SNX29: variants seen among roughly 807,000 people sequenced by gnomAD.
SNX29 encodes sorting nexin 29.
In SNX29, 78 loss-of-function variants were observed where a neutral mutation model predicts 102.1. The ratio of observed to expected loss-of-function variants is 0.76; its 90% CI spans 0.64 to 0.92. SNX29 has a LOEUF of 0.92. SNX29 is among the 40% of genes least tolerant of loss of function. The pLI, the probability that SNX29 is intolerant of heterozygous loss-of-function variation, is 0.00. For synonymous variants in SNX29, 580 were observed against 414.5 expected (o/e 1.40, Z -4.85); for missense variants, 1,280 against 1,061.7 (o/e 1.21, Z -2.86).
intron 20 of SNX29, among the ~76,000 whole-genome samples, chr16:12,544,309 G>C (rs17240943): frequency 0.037 from 5,673 of 152,262 alleles, 146 homozygotes; most frequent in Non-Finnish European, 0.057. Context: ...ACAGGGGAAG[G>C]TGGACCCCAA....
intron 19 of SNX29, among the ~76,000 whole-genome samples, chr16:12,507,786 C>T (rs2089443146): frequency 6.6e-6 from 1 of 152,172 alleles, no homozygotes. Flanking sequence ...TTCCCTCCCT[C>T]CCCTTATCCA....
chr16:12,552,855 G>T (rs920574887), intron 20 of SNX29, among the ~76,000 whole-genome samples: 1 of 152,220 alleles, frequency 6.6e-6, no homozygotes, highest in African/African-American at 2.4e-5. Flanking sequence ...AGAGGGTGTG[G>T]CAGATGGCAG....
chr16:12,043,957 T>G (rs1190494247), intron 5 of SNX29, among the ~76,000 whole-genome samples: 4 of 152,210 alleles, frequency 2.6e-5, no homozygotes, highest in African/African-American at 7.2e-5. Flanking sequence ...TTTAATCATG[T>G]TGGCCAGGCT....
At chr16:12,533,958 C>T (rs956389325) in intron 20 of SNX29, among the ~76,000 whole-genome samples, 3 of 152,246 alleles carry the variant, frequency 2.0e-5, no homozygotes, top group African/African-American at 7.2e-5. Flanking sequence ...CCTTTGTTTG[C>T]TTAAAACATC....
chr16:12,297,573 C>T (rs1478762858), intron 15 of SNX29, among the ~76,000 whole-genome samples: 2 of 151,876 alleles, frequency 1.3e-5, no homozygotes, highest in African/African-American at 4.8e-5. Flanking sequence ...TCCTCAGCAC[C>T]CCCTGTTGTG....
intron 19 of SNX29, among the ~76,000 whole-genome samples, chr16:12,483,319 C>CTTTTT (rs71139599): frequency 1.0e-4 from 14 of 134,772 alleles, no homozygotes; most frequent in African/African-American, 3.0e-4. Flanking sequence ...ATTTACTTTT[C>CTTTTT]TTTTTTTTTT....
intron 15 of SNX29, among the ~76,000 whole-genome samples, chr16:12,282,802 C>T (rs1480785284): frequency 1.3e-5 from 2 of 152,166 alleles, no homozygotes; most frequent in African/African-American, 4.8e-5. Flanking sequence ...ATTACAGGTG[C>T]CCACCACAAT....
chr16:12,384,417 C>CA (rs2083279276), intron 16 of SNX29, among the ~76,000 whole-genome samples: 1 of 152,176 alleles, frequency 6.6e-6, no homozygotes, highest in Non-Finnish European at 1.5e-5. Flanking sequence ...ACCATTTGAA[C>CA]TGGGGTGACA....
intron 3 of SNX29, among the ~76,000 whole-genome samples, chr16:12,021,048 T>C (rs1271372305): frequency 3.9e-5 from 6 of 152,212 alleles, no homozygotes; most frequent in Non-Finnish European, 7.3e-5. Flanking sequence ...CCAGCTAACA[T>C]TGGAATTTTA....
At chr16:12,125,512 A>G (rs1041809101) in intron 11 of SNX29, among the ~76,000 whole-genome samples, 2 of 146,556 alleles carry the variant, frequency 1.4e-5, no homozygotes, top group African/African-American at 5.0e-5. Context: ...GATACAGTGG[A>G]TCGGGTCGGC....
intron 14 of SNX29, among the ~76,000 whole-genome samples, chr16:12,253,220 C>T (rs557353177): frequency 3.3e-5 from 5 of 152,264 alleles, no homozygotes; most frequent in African/African-American, 9.6e-5. Context: ...ACCATGCATT[C>T]GCCTTGATGT....
intron 20 of SNX29, among the ~76,000 whole-genome samples, chr16:12,554,971 G>GGGGGGA (rs1257852197): frequency 6.6e-6 from 1 of 150,806 alleles, no homozygotes; most frequent in African/African-American, 2.5e-5. Flanking sequence ...GTGGTGAGGG[G>GGGGGGA]GGTCAGTCAG....
chr16:12,132,867 G>A (rs1210632237), intron 13 of SNX29, among the ~76,000 whole-genome samples: 1 of 152,264 alleles, frequency 6.6e-6, no homozygotes, highest in Non-Finnish European at 1.5e-5. Flanking sequence ...AGCTGGGTAT[G>A]TAAGTTTTGA....
intron 19 of SNX29, among the ~76,000 whole-genome samples, chr16:12,524,154 C>T (rs1277450826): frequency 2.0e-5 from 3 of 152,158 alleles, no homozygotes; most frequent in South Asian, 2.1e-4. Flanking sequence ...GTGGCCCACG[C>T]GTCCTAGTTT....
intron 20 of SNX29, among the ~76,000 whole-genome samples, chr16:12,531,179 A>G (rs1008405392): frequency 3.3e-5 from 5 of 152,232 alleles, no homozygotes; most frequent in Admixed American, 6.5e-5. Flanking sequence ...CACTCTTCCC[A>G]GGTGTGCAGA....
intron 14 of SNX29, among the ~76,000 whole-genome samples, chr16:12,220,216 TCAAA>T (rs915673189): frequency 2.0e-5 from 3 of 151,640 alleles, no homozygotes; most frequent in Non-Finnish European, 2.9e-5. Context: ...ATCCAGGTGC[TCAAA>T]CAGTTTACCA....
intron 20 of SNX29, among the ~76,000 whole-genome samples, chr16:12,558,788 C>G (rs142642187): frequency 5.4e-4 from 83 of 152,336 alleles, no homozygotes; most frequent in Admixed American, 1.6e-3. Context: ...CAACCTGAAG[C>G]AGTTTATCTG....
At chr16:12,164,370 C>T (rs940192684) in intron 13 of SNX29, among the ~76,000 whole-genome samples, 4 of 152,102 alleles carry the variant, frequency 2.6e-5, no homozygotes, top group South Asian at 2.1e-4. Flanking sequence ...AAAACCCGTG[C>T]GATAGTGAAT....
In SNX29 at chr16:12,098,975, C is replaced by G. The variant is rs762717321; in HGVS notation, c.1402+20060C>G. ...CCCTGCATTGTGGGAGCAGAGAGTA[C>G]GGGACAGAAAGAGTGAGGGTGGGAA... On this transcript the variant is annotated intron_variant, in intron 11 of 20. Transcript: ENST00000566228. This position sits in a 1 kb window ranked among gnomAD's most constrained non-coding sequence, Gnocchi z 6.0. 6.6e-6 allele frequency among the ~76,000 whole-genome samples: 1 copy of G among 151,722 alleles called. No homozygotes were observed. Among genetic ancestry groups the G allele is most frequent in the African/African-American group, 2.4e-5 (1 of 41,272 alleles).
Sources: gnomAD v4.1 joint callset for allele counts (sites outside exome capture counted in the v4.1 genomes callset) on GRCh38, gnomAD v4.1.1 for gene constraint, Gnocchi (gnomAD v3.1) non-coding constraint, MANE v1.5 for transcripts, NCBI Gene and HGNC (gene_info 2026-07-23, HGNC 2026-07-21) for gene names.